The following NOTCH1 variants were observed in gnomAD, a reference collection of about 807,000 sequenced individuals.
NOTCH1 encodes the protein notch receptor 1.
A neutral mutation model predicts 254.8 loss-of-function variants in NOTCH1; 37 were observed. The observed-to-expected ratio is 0.15, with a 90% CI of 0.11 to 0.19. NOTCH1 has a LOEUF of 0.19. Among genes scored for constraint, NOTCH1 ranks in the 10% least tolerant of loss-of-function variants. NOTCH1 has a pLI of 1.00. For synonymous variants in NOTCH1, 1,731 were observed against 1,618.1 expected, an observed-to-expected ratio of 1.07 and a Z score of -1.68; for missense variants, 2,972 against 3,708.6, an observed-to-expected ratio of 0.80 and a Z score of 5.16.
In NOTCH1 at chr9:136,504,888, G is replaced by T. The variant is rs2133336694; in HGVS notation, c.4803C>A (p.His1601Gln). The T allele has an allele frequency of 6.3e-7, 1 of 1,585,138 alleles. No homozygotes were observed. The change falls in exon 26 of 34, where the codon CAC becomes CAA. Residue 1601 changes from histidine (H) to glutamine (Q), a missense_variant. Transcript: ENST00000651671. ...CGTCACGCTTGAAGACCACGTTGGT[G>T]TGCAGCACGCGGCTGAGCTCCCGCA... The part of the protein sequence containing the change: ...HFLRELSRVL[H>Q]TNVVFKRDAH...
chr9:136,529,925 G>A (rs1198784395), intron 2 of NOTCH1, among the ~76,000 whole-genome samples: 1 of 152,236 alleles, frequency 6.6e-6, no homozygotes, highest in African/African-American at 2.4e-5. Flanking sequence ...ACCACCTGCG[G>A]TCCCACCTGA....
intron 2 of NOTCH1, among the ~76,000 whole-genome samples, chr9:136,524,931 C>T (rs1010005684): frequency 1.3e-5 from 2 of 152,164 alleles, no homozygotes; most frequent in Admixed American, 6.5e-5. Context: ...CCACCGCGCC[C>T]GGCCAGGAAG....
At chr9:136,516,905 G>A (rs1430826521) in intron 9 of NOTCH1, among the ~76,000 whole-genome samples, 1 of 151,970 alleles carries the variant, frequency 6.6e-6, no homozygotes, top group Admixed American at 6.6e-5. Flanking sequence ...CACAACCAAT[G>A]GCCAGGCCCC....
At chr9:136,529,463 G>A (rs990762081) in intron 2 of NOTCH1, among the ~76,000 whole-genome samples, 13 of 152,232 alleles carry the variant, frequency 8.5e-5, no homozygotes, top group Admixed American at 2.0e-4. Context: ...GAAATGAGCT[G>A]GGCAGGGGGC....
intron 26 of NOTCH1, among the ~76,000 whole-genome samples, chr9:136,503,557 C>T (rs1220698491): frequency 6.6e-6 from 1 of 152,222 alleles, no homozygotes; most frequent in African/African-American, 2.4e-5. Context: ...CAGATACCCA[C>T]CAACGCGCTC....
intron 33 of NOTCH1, among the ~76,000 whole-genome samples, chr9:136,498,382 C>CCT (rs895443138): frequency 4.6e-5 from 7 of 152,160 alleles, no homozygotes; most frequent in African/African-American, 1.4e-4. Context: ...TGGATATAGT[C>CCT]CTGAGACTTC....
chr9:136,544,172 G>A (rs1843776566), intron 1 of NOTCH1, 70 bp from the exon 2 acceptor site: 1 of 1,432,834 alleles, frequency 7.0e-7, no homozygotes, highest in Admixed American at 2.0e-5. Context: ...TGGTTACCCT[G>A]GGGGCGGGGA....
intron 2 of NOTCH1, among the ~76,000 whole-genome samples, chr9:136,531,720 A>G (rs563039231): frequency 6.6e-6 from 1 of 152,310 alleles, no homozygotes; most frequent in East Asian, 1.9e-4. Context: ...ACGCTGCCGG[A>G]GGAGCACTCC....
At chr9:136,538,519 C>T (rs1453675117) in intron 2 of NOTCH1, among the ~76,000 whole-genome samples, 1 of 152,262 alleles carries the variant, frequency 6.6e-6, no homozygotes, top group East Asian at 1.9e-4. Flanking sequence ...GAGAAAGCGC[C>T]AGCGCTGCCT....
rs757628476 is a variant in NOTCH1, at chr9:136,510,674, C to G, written c.2719G>C (p.Asp907His). 4 of 1,608,522 alleles carry G rather than the reference C, an allele frequency of 2.5e-6. No individual in the cohort carries two copies. Among genetic ancestry groups the G allele is most frequent in the Non-Finnish European group, 3.4e-6 (4 of 1,179,446 alleles). ...AGYSGRNCETDIDDCRPNPCH... is the reference protein window; with the variant it reads ...AGYSGRNCETHIDDCRPNPCH... ...TCACTGGGCCGGCAGTCGTCGATGT[C>G]GGTCTCGCAGTTGCGCCCACTGTAG... The change falls in exon 17 of 34, where the codon GAC becomes CAC. Residue 907 changes from aspartate (D) to histidine (H), a missense_variant. By Grantham distance (81) the Asp-to-His change is moderately conservative. Around this residue, in one of 8 missense-constraint regions of NOTCH1, gnomAD observed 1,343 missense variants for 1,557.0 expected, o/e 0.86. Coordinates refer to ENST00000651671, the MANE Select transcript of NOTCH1 (RefSeq NM_017617.5).
At chr9:136,499,046 C>G in intron 32 of NOTCH1, 50 bp from the exon 33 acceptor site, 1 of 1,612,614 alleles carries the variant, frequency 6.2e-7, no homozygotes, top group Non-Finnish European at 8.5e-7. Flanking sequence ...TGGAGGCAAC[C>G]CAGTCCCACC....
intron 33 of NOTCH1, among the ~76,000 whole-genome samples, chr9:136,498,223 G>A (rs1842946920): frequency 6.6e-6 from 1 of 151,212 alleles, no homozygotes; most frequent in Admixed American, 6.6e-5. Flanking sequence ...ATGCCAAGGG[G>A]GCAGCAGGAG....
At chr9:136,543,958 C>A in intron 2 of NOTCH1, 66 bp downstream of exon 2, 1 of 1,419,158 alleles carries the variant, frequency 7.0e-7, no homozygotes, top group Non-Finnish European at 9.7e-7. Context: ...CTGTCCCCTG[C>A]GCGGCTGCAG....
chr9:136,533,945 T>C lies in NOTCH1; in HGVS notation c.141-9966A>G, dbSNP rs996796646. Reference sequence around the variant, plus strand: ...GCCAGGTCTCCCCGCCGTGGCTCCCTGGGCGGGTGCCTGTGGCTCGGGCCA... The same window carrying C: ...GCCAGGTCTCCCCGCCGTGGCTCCCCGGGCGGGTGCCTGTGGCTCGGGCCA... On this transcript the variant is annotated intron_variant, in intron 2 of 33. Transcript: ENST00000651671. Among the ~76,000 whole-genome samples the C allele has an allele frequency of 6.6e-4, 101 of 152,354 alleles. 2 individuals carry two copies. Among genetic ancestry groups the C allele is most frequent in the Admixed American group, 6.5e-3 (100 of 15,304 alleles).
Position 136,514,629 on chromosome 9 carries a change from G to A in NOTCH1, c.2088C>T (p.Gly696=), listed in dbSNP as rs2133361001. The A allele has an allele frequency of 6.2e-7, 1 of 1,611,624 alleles. No homozygotes were observed. The highest frequency in any genetic ancestry group is 1.7e-4 in the Middle Eastern group (1 of 6,058). ...PCHNGGTCED[G]INGFTCRCPE... is the part of the protein sequence containing the mutation. ...GGCAGCGGCAGGTGAAGCCATTGAT[G>A]CCGTCCTCGCAGGTGCCCCCGTTGT... Residue 696 remains glycine, a synonymous_variant, in exon 13 of 34, where the codon GGC becomes GGT. Transcript: ENST00000651671.
Position 136,501,723 on chromosome 9 carries a change from A to C in NOTCH1, c.5638+25T>G, listed in dbSNP as rs769102234. ...AGGCAGGTGGGCCACGGGGCTAGGG[A>C]AGCCCTGGCTGCTGGCACCCTTACC... On this transcript the variant is annotated intron_variant, in intron 30 of 33. Transcript: ENST00000651671. 2.5e-6 allele frequency: 4 copies of C among 1,608,730 alleles called. No individual in the cohort carries two copies. In the Admixed American group the frequency reaches 6.7e-5, roughly 27 times the overall value.
At position 136,508,413 on chromosome 9, in the gene NOTCH1, G is replaced by A. The variant is rs747675834; in HGVS notation, c.3172-28C>T. 6.8e-6 allele frequency: 11 copies of A among 1,612,780 alleles called. No individual in the cohort carries two copies. In the East Asian group the frequency reaches 2.2e-4, roughly 33 times the overall value. ...GGGGACAGATTGGGGTCAGCTGGGTGCCCGCGCCCCGGCCATTTCCCCGGT... is the reference window on the plus strand; with the variant it reads ...GGGGACAGATTGGGGTCAGCTGGGTACCCGCGCCCCGGCCATTTCCCCGGT... On this transcript the variant is annotated intron_variant, in intron 19 of 33. Coordinates refer to ENST00000651671, the MANE Select transcript of NOTCH1 (RefSeq NM_017617.5).
intron 19 of NOTCH1, 74 bp from the exon 20 acceptor site, chr9:136,508,459 C>T: frequency 6.3e-7 from 1 of 1,598,122 alleles, no homozygotes; most frequent in Non-Finnish European, 8.5e-7. Flanking sequence ...GCACATCTGC[C>T]AAGGGGCCTA....
In NOTCH1 at chr9:136,502,101, G is replaced by A. The variant is rs1045447812; in HGVS notation, c.5385-13C>T. 1 of 1,612,564 alleles carries A rather than the reference G, an allele frequency of 6.2e-7. No homozygotes were observed. On this transcript the variant is annotated splice_polypyrimidine_tract_variant and intron_variant, in intron 28 of 33. Transcript: ENST00000651671. ...GTTCTTCAGGGGCCTGGGGGGTGAG[G>A]GGTCGAGAAGTGAGGCTGAGCGAGC...
Sources: allele counts gnomAD v4.1 joint callset (sites outside exome capture counted in the v4.1 genomes callset), GRCh38; gene constraint gnomAD v4.1.1; regional missense constraint gnomAD v4.1.1; transcripts MANE v1.5; gene names NCBI Gene and HGNC (gene_info 2026-07-23, HGNC 2026-07-21).